Variants in TPST2 observed in about 807,000 individuals in gnomAD.
TPST2 encodes the protein tyrosylprotein sulfotransferase 2.
A neutral mutation model predicts 27.8 loss-of-function variants in TPST2; 16 were observed. The observed-to-expected ratio is 0.58, with a 90% CI of 0.39 to 0.88. The LOEUF (loss-of-function observed/expected upper bound fraction) is 0.88, where lower values mean the gene tolerates loss of function less well. TPST2 is among the 40% of genes least tolerant of loss of function. TPST2 has a pLI of 0.00. For synonymous variants in TPST2, 229 were observed against 231.7 expected, an observed-to-expected ratio of 0.99 and a Z score of 0.10; for missense variants, 464 against 543.1, an observed-to-expected ratio of 0.85 and a Z score of 1.45.
intron 5 of TPST2, among the ~76,000 whole-genome samples, chr22:26,529,304 A>G (rs1925020760): frequency 6.6e-6 from 1 of 152,026 alleles, no homozygotes; most frequent in African/African-American, 2.4e-5. Context: ...TATTTTTTGT[A>G]TTTTTAGTAG....
chr22:26,572,824 C>G (rs1927683157), intron 1 of TPST2, among the ~76,000 whole-genome samples: 1 of 151,868 alleles, frequency 6.6e-6, no homozygotes. Flanking sequence ...TATCACAGAG[C>G]CTGACACTGA....
rs932092988 is a variant in TPST2, at chr22:26,522,197, G to A, written c.*4078C>T. 6.6e-6 allele frequency: 1 copy of A among 151,912 alleles called. No homozygotes were observed. Among genetic ancestry groups the A allele is most frequent in the Non-Finnish European group, 1.5e-5 (1 of 68,008 alleles). The allele number at this position is 151,912 out of a possible 1,614,324, so 9.4% of individuals were successfully genotyped here. A position where few individuals can be genotyped will look rare whatever the true frequency, so the allele number is the denominator to read the frequency against. The stretch of plus-strand genomic sequence containing the variant: ...CTTATCCCTTTACCCCCATTTTACA[G>A]AAGAGGAAAACTGAGGCTCAGAGAA... On this transcript the variant is annotated 3_prime_UTR_variant, in exon 7 of 7. Transcript: ENST00000338754.
intron 2 of TPST2, among the ~76,000 whole-genome samples, chr22:26,542,473 G>C (rs762824726): frequency 6.6e-6 from 1 of 152,106 alleles, no homozygotes; most frequent in Admixed American, 6.5e-5. Flanking sequence ...TACCCCATCT[G>C]GCCCAAGAAT....
chr22:26,583,206 G>A (rs897205640), intron 1 of TPST2, among the ~76,000 whole-genome samples: 2 of 150,404 alleles, frequency 1.3e-5, no homozygotes, highest in African/African-American at 2.5e-5. Flanking sequence ...AGGCTGACAC[G>A]GGCAGATCAC....
intron 1 of TPST2, among the ~76,000 whole-genome samples, chr22:26,589,036 G>C (rs1240337214): frequency 6.6e-6 from 1 of 152,092 alleles, no homozygotes; most frequent in Non-Finnish European, 1.5e-5. Flanking sequence ...TGCTTGAGGG[G>C]GCTTCTGTAG....
intron 4 of TPST2, among the ~76,000 whole-genome samples, chr22:26,533,977 T>C (rs772967596): frequency 1.3e-5 from 2 of 152,230 alleles, no homozygotes; most frequent in Non-Finnish European, 2.9e-5. Context: ...GTCCAGCCTA[T>C]GTAAAATATT....
chr22:26,579,857 A>C (rs1205296866), intron 1 of TPST2, among the ~76,000 whole-genome samples: 1 of 144,438 alleles, frequency 6.9e-6, no homozygotes, highest in Non-Finnish European at 1.5e-5. Context: ...GGAGAGGCAA[A>C]GATGGGAGTA....
rs753448750 is a variant in TPST2, at chr22:26,541,093, G to A, written c.538C>T (p.Leu180=). The change falls in exon 3 of 7, where the codon CTG becomes TTG. Residue 180 remains leucine (L), a synonymous_variant. Coordinates refer to ENST00000338754, the MANE Select transcript of TPST2 (RefSeq NM_003595.5). This position sits in a 1 kb window ranked among gnomAD's most constrained non-coding sequence, Gnocchi z 5.9. The part of the protein sequence containing the change: ...SRLFPNSKFL[L]MVRDGRASVH... ...GAGGCCCGGCCGTCCCGCACCATCA[G>A]CAGGAACTTGGAGTTGGGGAACAGG... 1.9e-6 allele frequency: 3 copies of A among 1,607,564 alleles called. No homozygotes were observed. In the South Asian group the frequency reaches 3.3e-5, roughly 18 times the overall value.
chr22:26,572,746 CG>C (rs968883639), intron 1 of TPST2, among the ~76,000 whole-genome samples: 9 of 152,172 alleles, frequency 5.9e-5, no homozygotes, highest in African/African-American at 2.2e-4. Flanking sequence ...TGAGTGCTCA[CG>C]GGCTGGGAGG....
chr22:26,560,245 C>T (rs1423019231), intron 1 of TPST2, among the ~76,000 whole-genome samples: 6 of 152,108 alleles, frequency 3.9e-5, no homozygotes, highest in South Asian at 2.1e-4. Context: ...TAACAAGATA[C>T]GGTAGGATGG....
At chr22:26,535,565 G>A (rs967620777) in intron 4 of TPST2, among the ~76,000 whole-genome samples, 3 of 152,168 alleles carry the variant, frequency 2.0e-5, no homozygotes, top group Non-Finnish European at 2.9e-5. Flanking sequence ...CATCCCTTAC[G>A]GCCAGGAGTT....
chr22:26,540,038 T>TCAATAAAAGCAGTATCAACA (rs1925709064), intron 3 of TPST2, among the ~76,000 whole-genome samples: 2 of 152,176 alleles, frequency 1.3e-5, no homozygotes, highest in African/African-American at 4.8e-5. Context: ...GGGTACTCCA[T>TCAATAAAAGCAGTATCAACA]CAATAAAAGC....
At chr22:26,568,299 C>G (rs1156966148) in intron 1 of TPST2, among the ~76,000 whole-genome samples, 1 of 152,142 alleles carries the variant, frequency 6.6e-6, no homozygotes, top group Non-Finnish European at 1.5e-5. Context: ...CAAGAAAGAC[C>G]ATAACGCGTG....
intron 1 of TPST2, chr22:26,561,238 G>T: frequency 6.7e-7 from 1 of 1,499,904 alleles, no homozygotes; most frequent in East Asian, 2.3e-5. Flanking sequence ...TCCTTTTAAA[G>T]AAAAAAATTG....
chr22:26,523,120 TAG>T lies in TPST2; in HGVS notation c.*3153_*3154del, dbSNP rs760876193. ...TGCAGTGAGCTGTGTTTGCAGGAGTTAGAGGTTGCAGTGAGCTGTGTTTGTGC... is the reference window on the plus strand; with the variant it reads ...TGCAGTGAGCTGTGTTTGCAGGAGTTAGGTTGCAGTGAGCTGTGTTTGTGC... On this transcript the variant is annotated 3_prime_UTR_variant, in exon 7 of 7. Transcript: ENST00000338754. The T allele has an allele frequency of 6.0e-5, 9 of 149,930 alleles. No homozygotes were observed. The highest frequency in any genetic ancestry group is 1.3e-4 in the Non-Finnish European group (9 of 67,736). The allele number at this position is 149,930 out of a possible 1,614,324, so 9.3% of individuals were successfully genotyped here. A position where few individuals can be genotyped will look rare whatever the true frequency, so the allele number is the denominator to read the frequency against.
At chr22:26,553,011 G>C (rs1926565964) in intron 1 of TPST2, among the ~76,000 whole-genome samples, 1 of 134,020 alleles carries the variant, frequency 7.5e-6, no homozygotes, top group Non-Finnish European at 1.5e-5. Context: ...AGTGAGCTGA[G>C]ATTGTGCCAT....
Position 26,571,428 on chromosome 22 carries a change from AT to A in TPST2, c.-161+18624del, listed in dbSNP as rs149427467. Among the ~76,000 whole-genome samples the A allele has an allele frequency of 8.8e-3, 1,325 of 150,360 alleles. 45 individuals are homozygous for A. The highest frequency in any genetic ancestry group is 0.018 in the East Asian group (93 of 5,144). ...ACTCCAGAAGCCCTCACCCTGCGTG[AT>A]TTTTTTTTTCCCCCAGCACTCACCA... On this transcript the variant is annotated intron_variant, in intron 1 of 6. Coordinates refer to ENST00000338754, the MANE Select transcript of TPST2 (RefSeq NM_003595.5).
chr22:26,577,942 C>T (rs1457783099), intron 1 of TPST2, among the ~76,000 whole-genome samples: 1 of 152,076 alleles, frequency 6.6e-6, no homozygotes, highest in Non-Finnish European at 1.5e-5. Flanking sequence ...GCATTAGCCA[C>T]CATGCCTGGC....
At chr22:26,571,486 A>T (rs1927623694) in intron 1 of TPST2, among the ~76,000 whole-genome samples, 1 of 151,810 alleles carries the variant, frequency 6.6e-6, no homozygotes. Context: ...TGACTTACAT[A>T]TTCTGCATTC....
Sources: gnomAD v4.1 joint callset for allele counts (sites outside exome capture counted in the v4.1 genomes callset) on GRCh38, gnomAD v4.1.1 for gene constraint, Gnocchi (gnomAD v3.1) non-coding constraint, MANE v1.5 for transcripts, NCBI Gene and HGNC (gene_info 2026-07-23, HGNC 2026-07-21) for gene names.